Variants in ANKMY1 observed in about 807,000 individuals in gnomAD.
The protein encoded by ANKMY1 is ankyrin repeat and MYND domain-containing protein 1.
A neutral mutation model predicts 102.0 loss-of-function variants in ANKMY1; 98 were observed. The ratio of observed to expected loss-of-function variants is 0.96; its 90% CI spans 0.82 to 1.14. The LOEUF is 1.14. Ranked by LOEUF, ANKMY1 falls within the 50% of genes most tolerant of loss-of-function variation. ANKMY1 has a pLI of 0.00. For synonymous variants in ANKMY1, 582 were observed against 559.9 expected, an observed-to-expected ratio of 1.04 and a Z score of -0.56; for missense variants, 1,330 against 1,347.6, an observed-to-expected ratio of 0.99 and a Z score of 0.20.
At chr2:240,471,478 T>C in the ANKMY1 span, among the ~76,000 whole-genome samples, 1 of 152,094 alleles carries the variant, frequency 6.6e-6, no homozygotes, top group South Asian at 2.1e-4. Flanking sequence ...GAACTTTAGA[T>C]GACAGAGCAA....
chr2:240,505,236 C>T (rs1351634271), intron 13 of ANKMY1, among the ~76,000 whole-genome samples: 8 of 151,408 alleles, frequency 5.3e-5, no homozygotes, highest in African/African-American at 1.9e-4. Flanking sequence ...CTGAGGCGGG[C>T]GGATCACCTG....
In ANKMY1 at chr2:240,484,854, GAAA is replaced by G. The variant is rs1196105694; in HGVS notation, c.2807-2596_2807-2594del. Among the ~76,000 whole-genome samples the G allele has an allele frequency of 3.9e-5, 6 of 152,006 alleles. No homozygotes were observed. In the East Asian group the frequency reaches 7.7e-4, roughly 20 times the overall value. On this transcript the variant is annotated intron_variant, in intron 15 of 17. Coordinates refer to ENST00000401804, the MANE Select transcript of ANKMY1 (RefSeq NM_001282771.3). ...TACAAAGAAGTAAACACATTTACAA[GAAA>G]AAAACAAACAACCCCCTCAAAAAGT...
chr2:240,476,713 T>C (rs1410884611), downstream of ANKMY1, among the ~76,000 whole-genome samples: 2 of 152,192 alleles, frequency 1.3e-5, no homozygotes, highest in Non-Finnish European at 2.9e-5. Context: ...GATAGCTGGC[T>C]CTCAAACCTT....
chr2:240,489,258 A>G (rs2151914131), intron 15 of ANKMY1, among the ~76,000 whole-genome samples: 1 of 152,276 alleles, frequency 6.6e-6, no homozygotes, highest in African/African-American at 2.4e-5. Context: ...GTTCGAGACT[A>G]GCCTGGCCAA....
At chr2:240,541,055 C>G (rs552877089) in intron 4 of ANKMY1, among the ~76,000 whole-genome samples, 1 of 152,286 alleles carries the variant, frequency 6.6e-6, no homozygotes, top group East Asian at 1.9e-4. Flanking sequence ...AAAGGAAATT[C>G]CATTTGCAGG....
rs1248633789 is a variant in ANKMY1, at chr2:240,479,650, G to T, written c.3052C>A (p.Gln1018Lys). ...DCGDLVAIVT[Q>K]LEQVSRRREE... ...CTCCTCCTGGAAACTTGCTCCAGTT[G>T]TGTCACTGGAGGAGGAAAAGGTGTG... is the stretch of plus-strand genomic sequence containing the variant. Residue 1018 changes from glutamine to lysine, a missense_variant, in exon 18 of 18, where the codon CAA becomes AAA. Physicochemically the swap from Gln to Lys is moderately conservative, Grantham distance 53. Coordinates refer to ENST00000401804, the MANE Select transcript of ANKMY1 (RefSeq NM_001282771.3). The T allele has an allele frequency of 6.2e-7, 1 of 1,613,674 alleles. No individual in the cohort carries two copies.
chr2:240,552,806 T>C, intron 4 of ANKMY1, 108 bp downstream of exon 4: 3 of 1,537,442 alleles, frequency 2.0e-6, no homozygotes, highest in Non-Finnish European at 1.8e-6. Context: ...AAAAAGCTAC[T>C]TGTAGCTAAA....
chr2:240,492,462 T>C (rs1281686314), intron 15 of ANKMY1, among the ~76,000 whole-genome samples: 1 of 152,230 alleles, frequency 6.6e-6, no homozygotes, highest in Non-Finnish European at 1.5e-5. Context: ...AAGACCTGTC[T>C]TCAAGTTTTG....
At position 240,520,394 on chromosome 2, in the gene ANKMY1, C is replaced by T; in HGVS notation, c.1972G>A (p.Gly658Arg). ...GGAAAGCAGATGTCGGTCCTCGCCC[C>T]GTGCTCCAGCAGCAGCCTCACCCCA... ...VDGVRLLLEHGARTDICFPPQ... is the reference protein window; with the variant it reads ...VDGVRLLLEHRARTDICFPPQ... Residue 658 changes from glycine to arginine, a missense_variant, in exon 9 of 18, where the codon GGG becomes AGG. Transcript: ENST00000401804. This position sits in a 1 kb window ranked among gnomAD's most constrained non-coding sequence, Gnocchi z 4.8. The T allele has an allele frequency of 6.3e-7, 1 of 1,590,002 alleles. No individual in the cohort carries two copies. The highest frequency in any genetic ancestry group is 8.6e-7 in the Non-Finnish European group (1 of 1,168,232).
upstream of ANKMY1, among the ~76,000 whole-genome samples, chr2:240,559,170 T>C (rs1014508538): frequency 5.9e-5 from 9 of 152,246 alleles, no homozygotes; most frequent in East Asian, 9.7e-4. Flanking sequence ...TTAGGATGAA[T>C]TGGTTCCCAA....
chr2:240,492,500 C>T (rs1258171215), intron 15 of ANKMY1, among the ~76,000 whole-genome samples: 6 of 152,118 alleles, frequency 3.9e-5, no homozygotes, highest in East Asian at 1.9e-4. Context: ...TCTAGTCTAT[C>T]GTTGATGCTT....
chr2:240,529,232 A>C lies in ANKMY1; in HGVS notation c.758T>G (p.Leu253Arg). The part of the protein sequence containing the change: ...DYKRFLLNDN[L>R]TLPPEMYVYS... ...GACATACATTTCTGGAGGCAGCGTTAGGTTGTCATTCAGAAGAAACCGCTT... is the reference window on the plus strand; with the variant it reads ...GACATACATTTCTGGAGGCAGCGTTCGGTTGTCATTCAGAAGAAACCGCTT... Residue 253 changes from leucine to arginine, a missense_variant, in exon 5 of 18, where the codon CTA becomes CGA. By Grantham distance (102) the Leu-to-Arg change is moderately radical (BLOSUM62 -2). Transcript: ENST00000401804. The surrounding 1 kb of genome is among the most constrained non-coding windows in gnomAD (Gnocchi z 4.2). 1 of 1,614,188 alleles carries C rather than the reference A, an allele frequency of 6.2e-7. No individual in the cohort carries two copies. Among genetic ancestry groups the C allele is most frequent in the Non-Finnish European group, 8.5e-7 (1 of 1,180,036 alleles).
chr2:240,513,082 G>A (rs775334079), intron 9 of ANKMY1, 140 bp from the exon 10 acceptor site: 239 of 1,220,222 alleles, frequency 2.0e-4, no homozygotes, highest in Non-Finnish European at 2.4e-4. Flanking sequence ...CTCACAACGT[G>A]CAGGCTACTG....
At chr2:240,540,004 C>G (rs981127010) in intron 4 of ANKMY1, among the ~76,000 whole-genome samples, 1 of 152,200 alleles carries the variant, frequency 6.6e-6, no homozygotes, top group Admixed American at 6.5e-5. Flanking sequence ...CAATAAGATA[C>G]CCAGTTATAA....
chr2:240,529,404 T>A lies in ANKMY1; in HGVS notation c.586A>T (p.Thr196Ser). The change falls in exon 5 of 18, where the codon ACC becomes TCC. Residue 196 changes from threonine (T) to serine (S), a missense_variant. Thr to Ser is a moderately conservative substitution (Grantham distance 58). Transcript: ENST00000401804. The surrounding 1 kb of genome is among the most constrained non-coding windows in gnomAD (Gnocchi z 4.2). ...WFREQLIKLC[T>S]QIPSGFSLLR... ...AGGGAGAAGCCACTGGGGATCTGGG[T>A]GCACAGCTTGATGAGCTGCTCTCGG... The A allele has an allele frequency of 6.2e-7, 1 of 1,614,110 alleles. No individual in the cohort carries two copies. Among genetic ancestry groups the A allele is most frequent in the Non-Finnish European group, 8.5e-7 (1 of 1,180,026 alleles).
chr2:240,474,262 A>AT, the ANKMY1 span, among the ~76,000 whole-genome samples: 3,993 of 90,934 alleles, frequency 0.044, 171 homozygotes, highest in Non-Finnish European at 0.05. Context: ...TGCCTGGCTA[A>AT]TTTTTTTTTT....
intron 4 of ANKMY1, among the ~76,000 whole-genome samples, chr2:240,545,536 A>G (rs1209736113): frequency 2.0e-5 from 3 of 152,274 alleles, no homozygotes; most frequent in Admixed American, 6.5e-5. Flanking sequence ...CTGAGAGAAG[A>G]AGGCTTCAGA....
chr2:240,515,872 C>T (rs2081104211), intron 9 of ANKMY1, among the ~76,000 whole-genome samples: 1 of 149,652 alleles, frequency 6.7e-6, no homozygotes, highest in African/African-American at 2.4e-5. Flanking sequence ...CACCCGCCAC[C>T]ATGCCCGGCT....
intron 12 of ANKMY1, 187 bp from the exon 13 acceptor site, chr2:240,507,878 G>T (rs1466790800): frequency 3.3e-6 from 2 of 597,710 alleles, no homozygotes; most frequent in Non-Finnish European, 2.6e-6. Flanking sequence ...CACAGAGGAT[G>T]ATGCTGGGCG....
Sources: allele counts gnomAD v4.1 joint callset (sites outside exome capture counted in the v4.1 genomes callset), GRCh38; gene constraint gnomAD v4.1.1; non-coding constraint Gnocchi (gnomAD v3.1); transcripts MANE v1.5; gene names NCBI Gene and HGNC (gene_info 2026-07-23, HGNC 2026-07-21).